ABTB3: variants seen among roughly 807,000 people sequenced by gnomAD.
ABTB3 encodes ankyrin repeat and BTB domain containing 3, also known as ankyrin repeat- and BTB/POZ domain-containing protein 3.
At chr12:107,370,905 C>T in the ABTB3 span, among the ~76,000 whole-genome samples, 1 of 151,816 alleles carries the variant, frequency 6.6e-6, no homozygotes, top group Non-Finnish European at 1.5e-5. Context: ...CGACCCAGCA[C>T]ACTGGCCAAG....
the ABTB3 span, among the ~76,000 whole-genome samples, chr12:107,485,589 C>T: frequency 6.6e-6 from 1 of 152,166 alleles, no homozygotes; most frequent in African/African-American, 2.4e-5. Context: ...GCTTGACCTT[C>T]TGAAATGAAT....
the ABTB3 span, among the ~76,000 whole-genome samples, chr12:107,570,264 G>C: frequency 1.3e-5 from 2 of 152,102 alleles, no homozygotes; most frequent in Non-Finnish European, 2.9e-5. Context: ...GCCCAGGCTG[G>C]AGTGCAGTGG....
At chr12:107,323,870 C>T in the ABTB3 span, among the ~76,000 whole-genome samples, 1 of 152,118 alleles carries the variant, frequency 6.6e-6, no homozygotes, top group South Asian at 2.1e-4. Flanking sequence ...GCTTGTTAAA[C>T]GAATATAACC....
the ABTB3 span, chr12:107,318,676 A>C: frequency 2.2e-6 from 1 of 449,302 alleles, no homozygotes; most frequent in South Asian, 5.0e-5. Flanking sequence ...CCCCGGCGGG[A>C]GCTTCCTTCC....
At chr12:107,626,148 C>G in the ABTB3 span, among the ~76,000 whole-genome samples, 4 of 152,116 alleles carry the variant, frequency 2.6e-5, no homozygotes, top group Non-Finnish European at 5.9e-5. Flanking sequence ...CCTCCAGTCC[C>G]AAACTCCCTA....
At chr12:107,537,466 T>C in the ABTB3 span, among the ~76,000 whole-genome samples, 2 of 152,168 alleles carry the variant, frequency 1.3e-5, no homozygotes, top group African/African-American at 4.8e-5. Flanking sequence ...ATTATATACA[T>C]GTATCAAAAT....
chr12:107,642,326 C>T, the ABTB3 span, among the ~76,000 whole-genome samples: 1 of 152,146 alleles, frequency 6.6e-6, no homozygotes, highest in African/African-American at 2.4e-5. Context: ...GTGCCCCTTC[C>T]GTTTCCATCC....
At chr12:107,637,088 T>C in the ABTB3 span, among the ~76,000 whole-genome samples, 2 of 152,196 alleles carry the variant, frequency 1.3e-5, no homozygotes, top group Non-Finnish European at 2.9e-5. Flanking sequence ...TCTACTATAA[T>C]GGTCATGTTT....
the ABTB3 span, chr12:107,618,235 AG>A: frequency 6.2e-7 from 1 of 1,614,036 alleles, no homozygotes; most frequent in Non-Finnish European, 8.5e-7. Flanking sequence ...ATTCTGGCCG[AG>A]GGGACTGACC....
the ABTB3 span, chr12:107,618,284 C>T: frequency 6.2e-7 from 1 of 1,613,990 alleles, no homozygotes; most frequent in Non-Finnish European, 8.5e-7. Flanking sequence ...GCGCCAGCCG[C>T]AACAGCAAGG....
the ABTB3 span, among the ~76,000 whole-genome samples, chr12:107,608,979 A>AT: frequency 8.6e-6 from 1 of 116,328 alleles, no homozygotes; most frequent in Non-Finnish European, 1.7e-5. Context: ...ATAAAATAAA[A>AT]TAAAATAAAA....
the ABTB3 span, among the ~76,000 whole-genome samples, chr12:107,409,481 T>A: frequency 1.3e-5 from 2 of 152,242 alleles, no homozygotes; most frequent in African/African-American, 4.8e-5. Context: ...ATTGCAGTAC[T>A]GTTTACACTA....
the ABTB3 span, among the ~76,000 whole-genome samples, chr12:107,529,206 A>G: frequency 1.4e-4 from 21 of 147,948 alleles, no homozygotes; most frequent in Admixed American, 5.4e-4. Flanking sequence ...GGTGATGATG[A>G]TGATGGAGAT....
the ABTB3 span, chr12:107,640,287 C>G: frequency 1.4e-6 from 2 of 1,388,170 alleles, no homozygotes; most frequent in Non-Finnish European, 2.0e-6. Context: ...CTAAAGCTAC[C>G]TTTTTTTCCC....
At chr12:107,347,594 T>C in the ABTB3 span, among the ~76,000 whole-genome samples, 1 of 152,136 alleles carries the variant, frequency 6.6e-6, no homozygotes. Flanking sequence ...TCTTACAGCA[T>C]GGAGGTATCA....
chr12:107,392,488 C>T, the ABTB3 span, among the ~76,000 whole-genome samples: 2 of 152,154 alleles, frequency 1.3e-5, no homozygotes, highest in South Asian at 2.1e-4. Flanking sequence ...CCACGCAGGT[C>T]GTTCTGTTCT....
chr12:107,419,543 G>T, the ABTB3 span, among the ~76,000 whole-genome samples: 1 of 152,084 alleles, frequency 6.6e-6, no homozygotes, highest in Non-Finnish European at 1.5e-5. Flanking sequence ...CAGGGTAAAT[G>T]CTACCTCCTC....
the ABTB3 span, among the ~76,000 whole-genome samples, chr12:107,599,062 G>A: frequency 6.6e-6 from 1 of 152,138 alleles, no homozygotes; most frequent in Non-Finnish European, 1.5e-5. Flanking sequence ...GCCATCCTTG[G>A]TTTAGGTGTT....
the ABTB3 span, among the ~76,000 whole-genome samples, chr12:107,363,467 CAT>C: frequency 1.6e-3 from 250 of 152,268 alleles, 1 homozygote; most frequent in African/African-American, 5.4e-3. Context: ...AGAAAGAAAA[CAT>C]ATAATTTGGG....
Sources: allele counts gnomAD v4.1 joint callset (sites outside exome capture counted in the v4.1 genomes callset), GRCh38; gene constraint gnomAD v4.1.1; transcripts MANE v1.5; gene names NCBI Gene and HGNC (gene_info 2026-07-23, HGNC 2026-07-21).